Variants in ADPRHL1 observed in about 807,000 individuals in gnomAD.
ADPRHL1 encodes ADP-ribosylhydrolase like 1, also known as inactive ADP-ribosyltransferase ARH2.
In ADPRHL1, 43 loss-of-function variants were observed where a neutral mutation model predicts 44.1. The ratio of observed to expected loss-of-function variants is 0.98; its 90% CI spans 0.76 to 1.26. The LOEUF (loss-of-function observed/expected upper bound fraction) is 1.26, where lower values mean the gene tolerates loss of function less well. Among genes scored for constraint, ADPRHL1 ranks in the 50% most tolerant of loss-of-function variants. The pLI is 0.00. For synonymous variants in ADPRHL1, 878 were observed against 1,017.4 expected (o/e 0.86, Z 2.61); for missense variants, 2,022 against 2,496.9 (o/e 0.81, Z 4.05).
chr13:113,408,985 G>A (rs2043830271), intron 7 of ADPRHL1, among the ~76,000 whole-genome samples: 1 of 152,040 alleles, frequency 6.6e-6, no homozygotes. Flanking sequence ...GCAGAGAGGA[G>A]GGAGGAGGGC....
At position 113,405,281 on chromosome 13, in the gene ADPRHL1, C is replaced by T; in HGVS notation, c.4001G>A (p.Gly1334Asp). The T allele has an allele frequency of 8.1e-7, 1 of 1,231,892 alleles. No homozygotes were observed. Among genetic ancestry groups the T allele is most frequent in the East Asian group, 3.2e-5 (1 of 31,692 alleles). 76.3% of individuals were successfully genotyped at this position (1,231,892 alleles called of 1,614,324 possible). A position where few individuals can be genotyped will look rare whatever the true frequency, so the allele number is the denominator to read the frequency against. Residue 1334 changes from glycine to aspartate, a missense_variant, in exon 8 of 8, where the codon GGC becomes GAC. By Grantham distance (94) the Gly-to-Asp change is moderately conservative. Coordinates refer to ENST00000612156, the MANE Select transcript of ADPRHL1 (RefSeq NM_001394807.1). ...CAGGTGTGCCTGTAGATGGGGAGGG[C>T]CCCGCTGGTGGGTGCCACCTACCCA... ...MGWVGGTHQR[G>D]PPHLQAHLPP...
At chr13:113,433,537 T>G (rs2139632622) in intron 3 of ADPRHL1, among the ~76,000 whole-genome samples, 1 of 152,306 alleles carries the variant, frequency 6.6e-6, no homozygotes, top group East Asian at 1.9e-4. Flanking sequence ...ACCCACAAGA[T>G]TTCCAGCCCA....
In ADPRHL1 at chr13:113,400,217, C is replaced by T. The variant is rs1335865501; in HGVS notation, c.*3161G>A. On this transcript the variant is annotated 3_prime_UTR_variant, in exon 8 of 8. Coordinates refer to ENST00000612156, the MANE Select transcript of ADPRHL1 (RefSeq NM_001394807.1). ...CTGGAGTGCAGTGGCGCAATCTCGG[C>T]TCACTGCAAGCTCCACCTCCCGGGT... 2.0e-5 allele frequency: 3 copies of T among 147,096 alleles called. No homozygotes were observed. Among genetic ancestry groups the T allele is most frequent in the African/African-American group, 7.6e-5 (3 of 39,706 alleles). The allele number at this position is 147,096 out of a possible 1,614,324, so 9.1% of individuals were successfully genotyped here. A position where few individuals can be genotyped will look rare whatever the true frequency, so the allele number is the denominator to read the frequency against.
intron 7 of ADPRHL1, among the ~76,000 whole-genome samples, chr13:113,419,475 G>A (rs944233516): frequency 5.9e-5 from 9 of 151,760 alleles, no homozygotes; most frequent in Non-Finnish European, 1.3e-4. Context: ...TTAAACTATG[G>A]ACACCATAAA....
In ADPRHL1 at chr13:113,403,642, C is replaced by T; in HGVS notation, c.5640G>A (p.Gly1880=). The T allele has an allele frequency of 8.1e-7, 1 of 1,231,730 alleles. No individual in the cohort carries two copies. Among genetic ancestry groups the T allele is most frequent in the African/African-American group, 1.6e-5 (1 of 64,484 alleles). 76.3% of individuals were successfully genotyped at this position (1,231,730 alleles called of 1,614,324 possible). A position where few individuals can be genotyped will look rare whatever the true frequency, so the allele number is the denominator to read the frequency against. The change falls in exon 8 of 8, where the codon GGG becomes GGA. Residue 1880 remains glycine, a synonymous_variant. Coordinates refer to ENST00000612156, the MANE Select transcript of ADPRHL1 (RefSeq NM_001394807.1). ...TGGGCTCAGTTGGGCTCTTTCCCAG[C>T]CCCAGGGGAGAGGTGGCAATGCTCT... is the stretch of plus-strand genomic sequence containing the variant. ...RGKSIATSPL[G]LGKSPTEPKP... is the part of the protein sequence containing the mutation.
rs77747478 is a variant in ADPRHL1 at position 113,406,136 on chromosome 13, C to T, written c.3146G>A (p.Arg1049His). Reference protein sequence around the residue: ...PTSLAASSKGRTGPEGVTPMG... With the variant: ...PTSLAASSKGHTGPEGVTPMG... ...CGGGGTGACACCCTCAGGCCCCGTA[C>T]GCCCCTTGGATGATGCCGCCAGTGA... Residue 1049 changes from arginine (R) to histidine (H), a missense_variant, in exon 8 of 8, where the codon CGT (arginine) becomes CAT (histidine). Arg to His is a conservative substitution (Grantham distance 29). Around this residue, in one of 8 missense-constraint regions of ADPRHL1, gnomAD observed 1,221 missense variants for 1,517.8 expected, o/e 0.80. Transcript: ENST00000612156. The T allele has an allele frequency of 4.7e-3, 5,734 of 1,232,134 alleles. 84 individuals are homozygous for T. Among genetic ancestry groups the T allele is most frequent in the African/African-American group, 0.037 (2,389 of 64,546 alleles). 76.3% of individuals were successfully genotyped at this position (1,232,134 alleles called of 1,614,324 possible).
In ADPRHL1 at chr13:113,409,215, G is replaced by C. The variant is rs1292215515; in HGVS notation, c.1062-995C>G. 5 of 811,582 alleles carry C rather than the reference G, an allele frequency of 6.2e-6. No individual in the cohort carries two copies. Among genetic ancestry groups the C allele is most frequent in the Non-Finnish European group, 6.0e-6 (4 of 671,524 alleles). 50.3% of individuals were successfully genotyped at this position (811,582 alleles called of 1,614,324 possible). A position where few individuals can be genotyped will look rare whatever the true frequency, so the allele number is the denominator to read the frequency against. On this transcript the variant is annotated intron_variant, in intron 7 of 7. Transcript: ENST00000612156. The surrounding 1 kb of genome is among the most constrained non-coding windows in gnomAD (Gnocchi z 4.2). Reference sequence around the variant, plus strand: ...TGGTGTTTTCTGAGCCTGGGTCCGGGGTAAGTTCTGCTCCTGAGCAGCCGT... The same window carrying C: ...TGGTGTTTTCTGAGCCTGGGTCCGGCGTAAGTTCTGCTCCTGAGCAGCCGT...
intron 7 of ADPRHL1, among the ~76,000 whole-genome samples, chr13:113,410,719 C>T (rs1303121133): frequency 6.6e-6 from 1 of 152,082 alleles, no homozygotes; most frequent in East Asian, 1.9e-4. Context: ...AACCCAGAGT[C>T]GACAGGCGCA....
chr13:113,422,944 G>A lies in ADPRHL1; in HGVS notation c.943C>T (p.Leu315=). The change falls in exon 7 of 8, where the codon CTG becomes TTG. Residue 315 remains leucine (L), a synonymous_variant. Coordinates refer to ENST00000612156, the MANE Select transcript of ADPRHL1 (RefSeq NM_001394807.1). ...TCCAGGCCGTACAGCAACCCGAACA[G>A]GCAGCCTGCAATGGTGCCCGTGGCC... ...SAATGTIAGC[L]FGLLYGLDLV... is the part of the protein sequence containing the mutation. The A allele has an allele frequency of 1.2e-6, 2 of 1,612,906 alleles. No homozygotes were observed. Among genetic ancestry groups the A allele is most frequent in the East Asian group, 4.5e-5 (2 of 44,866 alleles).
At position 113,406,810 on chromosome 13, in the gene ADPRHL1, G is replaced by C; in HGVS notation, c.2472C>G (p.Asn824Lys). 8.1e-7 allele frequency: 1 copy of C among 1,232,070 alleles called. No homozygotes were observed. The allele number at this position is 1,232,070 out of a possible 1,614,324, so 76.3% of individuals were successfully genotyped here. Residue 824 changes from asparagine (N) to lysine (K), a missense_variant, in exon 8 of 8, where the codon AAC becomes AAG. Physicochemically the swap from Asn to Lys is moderately conservative, Grantham distance 94. This residue lies in a region of ADPRHL1 where 1,221 missense variants were observed against 1,517.8 expected (regional missense o/e 0.80). Coordinates refer to ENST00000612156, the MANE Select transcript of ADPRHL1 (RefSeq NM_001394807.1). ...QKVPEHIPPL[N>K]APSVQAARRT... ...TCCGAGCAGCCTGGACCGATGGAGC[G>C]TTCAGGGGTGGGATGTGCTCCGGCA...
At position 113,406,470 on chromosome 13, in the gene ADPRHL1, T is replaced by C. The variant is rs1279117718; in HGVS notation, c.2812A>G (p.Ser938Gly). 3 of 1,231,888 alleles carry C rather than the reference T, an allele frequency of 2.4e-6. No homozygotes were observed. Among genetic ancestry groups the C allele is most frequent in the African/African-American group, 1.6e-5 (1 of 64,424 alleles). The allele number at this position is 1,231,888 out of a possible 1,614,324, so 76.3% of individuals were successfully genotyped here. ...TGTGTCAGAAGTGTCTCTGGGACACTGTGGTCGGCGCCCACAGCCCCTCTT... is the reference window on the plus strand; with the variant it reads ...TGTGTCAGAAGTGTCTCTGGGACACCGTGGTCGGCGCCCACAGCCCCTCTT... ...AARGAVGADH[S>G]VPETLLTQRL... Residue 938 changes from serine to glycine, a missense_variant, in exon 8 of 8, where the codon AGT (serine) becomes GGT (glycine). Physicochemically the swap from Ser to Gly is moderately conservative, Grantham distance 56 (BLOSUM62 0). Coordinates refer to ENST00000612156, the MANE Select transcript of ADPRHL1 (RefSeq NM_001394807.1).
At chr13:113,438,472 T>A (rs1595553047) in intron 2 of ADPRHL1, among the ~76,000 whole-genome samples, 1 of 152,240 alleles carries the variant, frequency 6.6e-6, no homozygotes, top group African/African-American at 2.4e-5. Flanking sequence ...GGCAGGCAGA[T>A]CACCTGAGGT....
chr13:113,433,903 C>G, intron 2 of ADPRHL1, 36 bp from the exon 3 acceptor site: 1 of 1,503,584 alleles, frequency 6.7e-7, no homozygotes, highest in African/African-American at 1.4e-5. Flanking sequence ...TAGACTTCTG[C>G]TCCAATAATT....
intron 1 of ADPRHL1, among the ~76,000 whole-genome samples, chr13:113,449,626 C>T (rs1049842842): frequency 3.3e-5 from 5 of 152,236 alleles, no homozygotes; most frequent in African/African-American, 1.2e-4. Flanking sequence ...CACAGGCTGC[C>T]CCGACCCTCA....
At chr13:113,421,034 C>G (rs1403955011) in intron 7 of ADPRHL1, among the ~76,000 whole-genome samples, 11 of 131,672 alleles carry the variant, frequency 8.4e-5, no homozygotes, top group Non-Finnish European at 1.6e-4. Context: ...CCCTACCCCC[C>G]GCCAACATGC....
chr13:113,438,584 C>T (rs926320740), intron 2 of ADPRHL1, among the ~76,000 whole-genome samples: 7 of 152,134 alleles, frequency 4.6e-5, no homozygotes, highest in African/African-American at 1.7e-4. Flanking sequence ...GTCCCAGCTA[C>T]TCTGGAGGCT....
chr13:113,432,276 G>T (rs954690348), intron 3 of ADPRHL1, among the ~76,000 whole-genome samples: 1 of 151,942 alleles, frequency 6.6e-6, no homozygotes, highest in Admixed American at 6.6e-5. Flanking sequence ...CGTCATGCCT[G>T]GCTAATTTTT....
intron 1 of ADPRHL1, among the ~76,000 whole-genome samples, chr13:113,445,038 C>A (rs1031052562): frequency 5.3e-5 from 8 of 152,186 alleles, no homozygotes; most frequent in African/African-American, 1.7e-4. Context: ...AGCTCCAGCT[C>A]CTTCTTCTCT....
rs147356406 is a variant in ADPRHL1, at chr13:113,437,288, C to A, written c.380-3421G>T. ...ATAGGTGTACCCCGGGACCCAGCAC[C>A]CAGGCGCAGGGTGAACACAGGTGTA... On this transcript the variant is annotated intron_variant, in intron 2 of 7. Coordinates refer to ENST00000612156, the MANE Select transcript of ADPRHL1 (RefSeq NM_001394807.1). 8.5e-3 allele frequency among the ~76,000 whole-genome samples: 1,293 copies of A among 151,358 alleles called. 22 individuals are homozygous for A. Among genetic ancestry groups the A allele is most frequent in the African/African-American group, 0.029 (1,209 of 41,128 alleles).
Sources: allele counts gnomAD v4.1 joint callset (sites outside exome capture counted in the v4.1 genomes callset), GRCh38; gene constraint gnomAD v4.1.1; regional missense constraint gnomAD v4.1.1; non-coding constraint Gnocchi (gnomAD v3.1); transcripts MANE v1.5; gene names NCBI Gene and HGNC (gene_info 2026-07-23, HGNC 2026-07-21).